Variants in ZBTB7C observed in about 807,000 individuals in gnomAD.
ZBTB7C encodes zinc finger and BTB domain containing 7C, also known as zinc finger and BTB domain-containing protein 7C.
A neutral mutation model predicts 25.7 loss-of-function variants in ZBTB7C; 8 were observed. That is an observed-to-expected ratio of 0.31 (90% CI 0.18 to 0.56). The LOEUF is 0.56. ZBTB7C is among the 20% of genes least tolerant of loss of function. The pLI, the probability that ZBTB7C is intolerant of heterozygous loss-of-function variation, is 0.91. For synonymous variants in ZBTB7C, 394 were observed against 369.0 expected (o/e 1.07, Z -0.78); for missense variants, 824 against 855.2 (o/e 0.96, Z 0.46).
intron 2 of ZBTB7C, among the ~76,000 whole-genome samples, chr18:48,247,308 T>C (rs1442390975): frequency 1.3e-5 from 2 of 152,084 alleles, no homozygotes; most frequent in Admixed American, 6.6e-5. Flanking sequence ...GTCTGGAAAG[T>C]TTTTAAAAAC....
At chr18:48,296,058 C>T (rs1045526755) in intron 2 of ZBTB7C, among the ~76,000 whole-genome samples, 1 of 152,230 alleles carries the variant, frequency 6.6e-6, no homozygotes, top group Non-Finnish European at 1.5e-5. Context: ...ACCTCCAAGC[C>T]AGAGAGTTCC....
chr18:48,305,245 C>T (rs1232681730), intron 2 of ZBTB7C, among the ~76,000 whole-genome samples: 1 of 152,166 alleles, frequency 6.6e-6, no homozygotes, highest in Admixed American at 6.5e-5. Flanking sequence ...ATCTGCGTGG[C>T]TGTTGCTGGG....
At position 48,040,750 on chromosome 18, in the gene ZBTB7C, C is replaced by A. The variant is rs769343510; in HGVS notation, c.358G>T (p.Val120Leu). The change falls in exon 4 of 5, where the codon GTG becomes TTG. Residue 120 changes from valine to leucine, a missense_variant. Val to Leu is a conservative substitution (Grantham distance 32). Transcript: ENST00000590800. ...TCCATGATCTCCAGGCACACGTTCA[C>A]GATGCACTGGATCTCCAGCATCCTG... The part of the protein sequence containing the change: ...AARMLEIQCI[V>L]NVCLEIMEPG... 1 of 1,614,030 alleles carries A rather than the reference C, an allele frequency of 6.2e-7. No individual in the cohort carries two copies. The highest frequency in any genetic ancestry group is 1.7e-5 in the Admixed American group (1 of 60,018).
At chr18:48,240,427 T>A (rs2043493291) in intron 2 of ZBTB7C, among the ~76,000 whole-genome samples, 2 of 152,110 alleles carry the variant, frequency 1.3e-5, no homozygotes, top group East Asian at 3.9e-4. Context: ...AAGAAAATAA[T>A]CTTAATAGCT....
intron 2 of ZBTB7C, among the ~76,000 whole-genome samples, chr18:48,187,659 C>T (rs2042090216): frequency 6.6e-6 from 1 of 151,808 alleles, no homozygotes; most frequent in Non-Finnish European, 1.5e-5. Flanking sequence ...TAAAAATACA[C>T]ACACACAAAA....
chr18:48,235,841 C>T (rs1447180101), intron 2 of ZBTB7C, among the ~76,000 whole-genome samples: 2 of 152,200 alleles, frequency 1.3e-5, no homozygotes, highest in Non-Finnish European at 2.9e-5. Context: ...CATCTTTCCT[C>T]CCTGGCTGAT....
intron 1 of ZBTB7C, among the ~76,000 whole-genome samples, chr18:48,377,326 G>A (rs2047543561): frequency 6.6e-6 from 1 of 152,220 alleles, no homozygotes; most frequent in Admixed American, 6.5e-5. Flanking sequence ...AGAGCTGTAC[G>A]AATTATCATA....
At chr18:48,307,627 A>G (rs1384462800) in intron 2 of ZBTB7C, among the ~76,000 whole-genome samples, 1 of 152,234 alleles carries the variant, frequency 6.6e-6, no homozygotes, top group Admixed American at 6.5e-5. Context: ...AGGTGGGTGG[A>G]TGGCAAGGTC....
chr18:48,265,254 C>T (rs1465859829), intron 2 of ZBTB7C, among the ~76,000 whole-genome samples: 1 of 152,138 alleles, frequency 6.6e-6, no homozygotes, highest in Non-Finnish European at 1.5e-5. Flanking sequence ...CCCCAATTGT[C>T]TTTGTTGTGT....
intron 1 of ZBTB7C, among the ~76,000 whole-genome samples, chr18:48,338,760 C>A (rs1268730907): frequency 6.6e-6 from 1 of 152,212 alleles, no homozygotes. Context: ...CAGAACCTCA[C>A]GCTGTTCCAT....
chr18:48,098,136 C>T (rs995201903), intron 3 of ZBTB7C, among the ~76,000 whole-genome samples: 3 of 152,138 alleles, frequency 2.0e-5, no homozygotes, highest in African/African-American at 4.8e-5. Flanking sequence ...CAAAAGAGTA[C>T]AATAAGGAGA....
intron 2 of ZBTB7C, among the ~76,000 whole-genome samples, chr18:48,256,477 C>CAAAAAA (rs35449001): frequency 7.6e-6 from 1 of 131,454 alleles, no homozygotes; most frequent in Non-Finnish European, 1.6e-5. Flanking sequence ...TACAAAAGCT[C>CAAAAAA]AAAAAAAAAA....
At chr18:48,200,763 A>G (rs1190382419) in intron 2 of ZBTB7C, among the ~76,000 whole-genome samples, 1 of 152,186 alleles carries the variant, frequency 6.6e-6, no homozygotes, top group Non-Finnish European at 1.5e-5. Context: ...ACTCCACACA[A>G]CAGCATCTAA....
intron 3 of ZBTB7C, among the ~76,000 whole-genome samples, chr18:48,185,134 C>T (rs2042024908): frequency 6.6e-6 from 1 of 152,124 alleles, no homozygotes; most frequent in African/African-American, 2.4e-5. Flanking sequence ...ATCTTCTCCC[C>T]TCCCACCCTC....
chr18:48,225,697 ACT>A (rs2043070316), intron 2 of ZBTB7C, among the ~76,000 whole-genome samples: 1 of 151,966 alleles, frequency 6.6e-6, no homozygotes, highest in African/African-American at 2.4e-5. Context: ...AGGTCTTGAA[ACT>A]TCTGTCCTCT....
intron 2 of ZBTB7C, among the ~76,000 whole-genome samples, chr18:48,302,223 C>T (rs1420392663): frequency 6.6e-6 from 1 of 152,226 alleles, no homozygotes; most frequent in Non-Finnish European, 1.5e-5. Flanking sequence ...AAGGGACACA[C>T]AGGCCAGTGA....
At chr18:48,045,820 A>T (rs1403049440) in intron 3 of ZBTB7C, among the ~76,000 whole-genome samples, 1 of 152,216 alleles carries the variant, frequency 6.6e-6, no homozygotes, top group East Asian at 1.9e-4. Flanking sequence ...TTAAATGCTT[A>T]GCACAGTCCT....
intron 3 of ZBTB7C, among the ~76,000 whole-genome samples, chr18:48,133,350 CA>C (rs2040045468): frequency 6.6e-6 from 1 of 152,174 alleles, no homozygotes; most frequent in African/African-American, 2.4e-5. Context: ...CCAAATGGAA[CA>C]AAAGGGAAAA....
chr18:48,306,130 C>A (rs1383822935), intron 2 of ZBTB7C, among the ~76,000 whole-genome samples: 2 of 152,214 alleles, frequency 1.3e-5, no homozygotes, highest in Admixed American at 6.5e-5. Flanking sequence ...ATCTCAAAAT[C>A]ACATTTTAGC....
Sources: allele counts gnomAD v4.1 joint callset (sites outside exome capture counted in the v4.1 genomes callset), GRCh38; gene constraint gnomAD v4.1.1; transcripts MANE v1.5; gene names NCBI Gene and HGNC (gene_info 2026-07-23, HGNC 2026-07-21).